The following SCTR variants were observed in gnomAD, a reference collection of about 807,000 sequenced individuals.
SCTR encodes the protein pancreatic secretin receptor.
A neutral mutation model predicts 60.8 loss-of-function variants in SCTR; 56 were observed. That is an observed-to-expected ratio of 0.92 (90% CI 0.74 to 1.15). The LOEUF (loss-of-function observed/expected upper bound fraction) is 1.15, where lower values mean the gene tolerates loss of function less well. Among genes scored for constraint, SCTR ranks in the 50% most tolerant of loss-of-function variants. The pLI, the probability that SCTR is intolerant of heterozygous loss-of-function variation, is 0.00. For synonymous variants in SCTR, 202 were observed against 217.0 expected, an observed-to-expected ratio of 0.93 and a Z score of 0.61; for missense variants, 562 against 550.4, an observed-to-expected ratio of 1.02 and a Z score of -0.21.
At chr2:119,474,810 C>A (rs896629716) in intron 3 of SCTR, among the ~76,000 whole-genome samples, 1 of 152,224 alleles carries the variant, frequency 6.6e-6, no homozygotes, top group African/African-American at 2.4e-5. Context: ...CCCACCGGGC[C>A]CTCTTCCTGA....
intron 1 of SCTR, among the ~76,000 whole-genome samples, chr2:119,502,866 G>C (rs1678598632): frequency 6.6e-6 from 1 of 151,308 alleles, no homozygotes; most frequent in Admixed American, 6.6e-5. Flanking sequence ...AAGAAGGCTG[G>C]GCATGGTGGC....
intron 1 of SCTR, among the ~76,000 whole-genome samples, chr2:119,500,831 G>C (rs6745012): frequency 0.068 from 10,409 of 152,158 alleles, 1,149 homozygotes; most frequent in African/African-American, 0.23. Context: ...GGTGACTATA[G>C]TTTAAAATAA....
chr2:119,464,448 C>T (rs1683748103), intron 5 of SCTR, among the ~76,000 whole-genome samples, 193 bp from the exon 6 acceptor site: 3 of 138,080 alleles, frequency 2.2e-5, no homozygotes. Flanking sequence ...CTACATGCTG[C>T]AGTGAGAAAA....
At chr2:119,461,032 G>C (rs1031126693) in intron 7 of SCTR, among the ~76,000 whole-genome samples, 1 of 152,150 alleles carries the variant, frequency 6.6e-6, no homozygotes, top group Admixed American at 6.5e-5. Flanking sequence ...ATTCCATTGG[G>C]AACACCAGCT....
chr2:119,505,407 G>A (rs1678705154), intron 1 of SCTR, among the ~76,000 whole-genome samples: 1 of 151,574 alleles, frequency 6.6e-6, no homozygotes. Flanking sequence ...CACCAACATG[G>A]CACATGTATA....
At chr2:119,521,306 G>A (rs1679279571) in intron 1 of SCTR, among the ~76,000 whole-genome samples, 1 of 152,162 alleles carries the variant, frequency 6.6e-6, no homozygotes, top group African/African-American at 2.4e-5. Context: ...TTCCTTATTT[G>A]TTGCTGCATC....
At chr2:119,462,316 T>C (rs1683644694) in intron 6 of SCTR, among the ~76,000 whole-genome samples, 1 of 152,196 alleles carries the variant, frequency 6.6e-6, no homozygotes, top group South Asian at 2.1e-4. Context: ...TACAGAACTG[T>C]GTCGGATACT....
intron 8 of SCTR, among the ~76,000 whole-genome samples, chr2:119,452,677 G>A (rs1482993037): frequency 1.3e-5 from 2 of 152,132 alleles, no homozygotes; most frequent in Non-Finnish European, 2.9e-5. Flanking sequence ...TTGGACTATA[G>A]ACACTTGGAT....
At position 119,524,251 on chromosome 2, in the gene SCTR, G is replaced by T. The variant is rs1386580425; in HGVS notation, c.-25C>A. ...TGGTGCCCGCACGTTCCCCGAGGGC[G>T]CCCCGACGTCCGCCTGCCCGTGCCC... On this transcript the variant is annotated 5_prime_UTR_variant, in exon 1 of 13. Coordinates refer to ENST00000019103, the MANE Select transcript of SCTR (RefSeq NM_002980.3). The T allele has an allele frequency of 3.5e-6, 5 of 1,410,264 alleles. No homozygotes were observed. Among genetic ancestry groups the T allele is most frequent in the East Asian group, 6.1e-5 (2 of 32,640 alleles). 87.4% of individuals were successfully genotyped at this position (1,410,264 alleles called of 1,614,324 possible).
chr2:119,477,682 C>T (rs1237183842), intron 3 of SCTR, among the ~76,000 whole-genome samples: 2 of 152,182 alleles, frequency 1.3e-5, no homozygotes, highest in Non-Finnish European at 2.9e-5. Context: ...AACTCCCGAC[C>T]TCAGGAGATC....
At chr2:119,500,163 G>T (rs1212265468) in intron 1 of SCTR, among the ~76,000 whole-genome samples, 1 of 136,292 alleles carries the variant, frequency 7.3e-6, no homozygotes. Context: ...TTTCACCCCA[G>T]TTAGGACTAA....
chr2:119,473,619 C>T (rs779764114), intron 3 of SCTR, 63 bp from the exon 4 acceptor site: 18 of 1,016,184 alleles, frequency 1.8e-5, no homozygotes, highest in Non-Finnish European at 2.5e-5. Context: ...TTCATAGTAA[C>T]ATCTATTGTA....
chr2:119,503,158 C>CAAAAAAA (rs61479294), intron 1 of SCTR, among the ~76,000 whole-genome samples: 1 of 69,592 alleles, frequency 1.4e-5, no homozygotes, highest in Non-Finnish European at 3.2e-5. Flanking sequence ...GACTCCATCT[C>CAAAAAAA]AAAAAAAAAA....
chr2:119,465,968 A>G lies in SCTR; in HGVS notation c.406-82T>C, dbSNP rs574361581. ...GTGCCTCACTGCATCCGCTTCAGGCAGCTTGAACCCACCGACGCTGCTATT... is the reference window on the plus strand; with the variant it reads ...GTGCCTCACTGCATCCGCTTCAGGCGGCTTGAACCCACCGACGCTGCTATT... On this transcript the variant is annotated intron_variant, in intron 4 of 12. Transcript: ENST00000019103. 7.3e-6 allele frequency: 7 copies of G among 953,380 alleles called. No homozygotes were observed. The Admixed American group carries it at 9.2e-5, about 12-fold the overall frequency. 59.1% of individuals were successfully genotyped at this position (953,380 alleles called of 1,614,324 possible).
intron 2 of SCTR, among the ~76,000 whole-genome samples, chr2:119,493,856 G>T (rs1318590671): frequency 6.6e-6 from 1 of 151,898 alleles, no homozygotes; most frequent in Non-Finnish European, 1.5e-5. Context: ...GGTCAAGCTG[G>T]TCTCGAACTC....
chr2:119,497,406 A>G (rs1678393958), intron 1 of SCTR, among the ~76,000 whole-genome samples: 1 of 152,232 alleles, frequency 6.6e-6, no homozygotes, highest in South Asian at 2.1e-4. Flanking sequence ...GTTCCATAAC[A>G]TAAAATGAAA....
chr2:119,452,130 G>T, intron 8 of SCTR, 51 bp from the exon 9 acceptor site: 1 of 1,156,642 alleles, frequency 8.6e-7, no homozygotes. Context: ...GTGGGAGCTG[G>T]GCTAACCAGC....
intron 1 of SCTR, among the ~76,000 whole-genome samples, chr2:119,506,733 C>G (rs1275400472): frequency 6.6e-6 from 1 of 152,156 alleles, no homozygotes. Context: ...GCCTCAGCCT[C>G]TCAAAGTCTT....
intron 11 of SCTR, 48 bp downstream of exon 11, chr2:119,446,711 A>T (rs771948269): frequency 7.1e-7 from 1 of 1,412,904 alleles, no homozygotes; most frequent in South Asian, 1.8e-5. Flanking sequence ...CCCTAAGGAC[A>T]CAGAGAACTC....
Sources: gnomAD v4.1 joint callset for allele counts (sites outside exome capture counted in the v4.1 genomes callset) on GRCh38, gnomAD v4.1.1 for gene constraint, MANE v1.5 for transcripts, NCBI Gene and HGNC (gene_info 2026-07-23, HGNC 2026-07-21) for gene names.